SMURF1: variants seen among roughly 807,000 people sequenced by gnomAD.
SMURF1 encodes E3 ubiquitin-protein ligase SMURF1.
A neutral mutation model predicts 98.0 loss-of-function variants in SMURF1; 44 were observed. That is an observed-to-expected ratio of 0.45 (90% CI 0.35 to 0.58). The LOEUF (loss-of-function observed/expected upper bound fraction) is 0.58, where lower values mean the gene tolerates loss of function less well. Ranked by LOEUF, SMURF1 falls within the 20% of genes least tolerant of loss-of-function variation. The pLI is 0.00. For synonymous variants in SMURF1, 396 were observed against 374.9 expected, an observed-to-expected ratio of 1.06 and a Z score of -0.65; for missense variants, 687 against 938.4, an observed-to-expected ratio of 0.73 and a Z score of 3.50.
chr7:99,031,083 CTGTT>C (rs1465148792), intron 17 of SMURF1: 1 of 164,796 alleles, frequency 6.1e-6, no homozygotes, highest in Non-Finnish European at 1.3e-5. Context: ...CACTTGTTTT[CTGTT>C]TGTCTGTCTT....
chr7:99,068,472 A>G (rs1796247452), intron 1 of SMURF1, among the ~76,000 whole-genome samples: 1 of 152,038 alleles, frequency 6.6e-6, no homozygotes, highest in Admixed American at 6.6e-5. Flanking sequence ...CCTATTTTTA[A>G]AAAATCTCTG....
intron 1 of SMURF1, among the ~76,000 whole-genome samples, chr7:99,091,506 AAC>A (rs1796810560): frequency 6.6e-6 from 1 of 152,140 alleles, no homozygotes; most frequent in Non-Finnish European, 1.5e-5. Flanking sequence ...ATCTCTACAC[AAC>A]AGTTAAGAGG....
chr7:99,038,321 C>G lies in SMURF1; in HGVS notation c.1688+67G>C, dbSNP rs897951584. The G allele has an allele frequency of 1.9e-6, 3 of 1,578,358 alleles. No individual in the cohort carries two copies. The African/African-American group carries it at 4.0e-5, about 21-fold the overall frequency. On this transcript the variant is annotated intron_variant, in intron 14 of 17. Transcript: ENST00000361368. ...ATGCAGGCCTCACACAGCGAAGGAG[C>G]TACAGCAACTAAATGCAGGCTCAGC... is the stretch of plus-strand genomic sequence containing the variant.
intron 1 of SMURF1, among the ~76,000 whole-genome samples, chr7:99,142,890 G>A (rs969480220): frequency 9.3e-5 from 14 of 150,938 alleles, no homozygotes; most frequent in Non-Finnish European, 1.0e-4. Flanking sequence ...GAAAAGCGAG[G>A]GGGCAGGTGG....
chr7:99,105,864 T>C (rs1797183164), intron 1 of SMURF1, among the ~76,000 whole-genome samples: 1 of 152,230 alleles, frequency 6.6e-6, no homozygotes, highest in South Asian at 2.1e-4. Flanking sequence ...GTGACTATCA[T>C]TCCCCTTCTC....
chr7:99,141,039 G>A (rs867139118), intron 1 of SMURF1, among the ~76,000 whole-genome samples: 7 of 152,104 alleles, frequency 4.6e-5, no homozygotes, highest in African/African-American at 1.4e-4. Flanking sequence ...CAATCCTATT[G>A]TAAGGATGAT....
At chr7:99,075,134 T>C (rs1489247660) in intron 1 of SMURF1, among the ~76,000 whole-genome samples, 2 of 152,118 alleles carry the variant, frequency 1.3e-5, no homozygotes, top group African/African-American at 4.8e-5. Context: ...TATTATTATT[T>C]TGAGACAGGG....
In SMURF1 at chr7:99,101,933, CA is replaced by C. The variant is rs1286445271; in HGVS notation, c.56-40097del. ...TGGGCGACAGAGCACGACCACGTCTCAAAAAAAAAAAAAAAGATACATACAA... is the reference window on the plus strand; with the variant it reads ...TGGGCGACAGAGCACGACCACGTCTCAAAAAAAAAAAAAAGATACATACAA... On this transcript the variant is annotated intron_variant, in intron 1 of 17. Transcript: ENST00000361368. Among the ~76,000 whole-genome samples the C allele has an allele frequency of 2.3e-3, 271 of 116,470 alleles. 1 individual carries two copies. The highest frequency in any genetic ancestry group is 5.0e-3 in the Middle Eastern group (1 of 200). The allele number at this position is 116,470 out of a possible 152,430, so 76.4% of individuals were successfully genotyped here.
chr7:99,090,885 T>TA (rs1479108531), intron 1 of SMURF1, among the ~76,000 whole-genome samples: 2 of 152,190 alleles, frequency 1.3e-5, no homozygotes, highest in African/African-American at 2.4e-5. Context: ...TGCAAGGGTG[T>TA]AATCCTACAG....
Position 99,052,224 on chromosome 7 carries a change from CG to C in SMURF1, c.701del (p.Pro234ArgfsTer41). 2 of 1,578,594 alleles carry C rather than the reference CG, an allele frequency of 1.3e-6. No homozygotes were observed. The highest frequency in any genetic ancestry group is 1.2e-5 in the South Asian group (1 of 84,830). Reference sequence around the variant, plus strand: ...TCTCACCGTAGCCTTCGGGCAGTTCCGGGGACTGGTGGCCGTGTGGTCGGTT... The same window carrying C: ...TCTCACCGTAGCCTTCGGGCAGTTCCGGGACTGGTGGCCGTGTGGTCGGTT... ...PQNRPHGHQS[P>X]ELPEGYEQRT... On this transcript the variant is annotated frameshift_variant, in exon 7 of 18. Coordinates refer to ENST00000361368, the MANE Select transcript of SMURF1 (RefSeq NM_181349.3). LOFTEE classifies it high-confidence loss of function.
chr7:99,104,831 T>C (rs1440527782), intron 1 of SMURF1, among the ~76,000 whole-genome samples: 2 of 152,158 alleles, frequency 1.3e-5, no homozygotes, highest in Non-Finnish European at 1.5e-5. Context: ...ATGACAGCAA[T>C]AGGGGCTTCA....
chr7:99,074,918 A>G (rs1410469971), intron 1 of SMURF1, among the ~76,000 whole-genome samples: 4 of 152,176 alleles, frequency 2.6e-5, no homozygotes, highest in African/African-American at 9.6e-5. Flanking sequence ...AAGACATCAC[A>G]TGGCCAATAA....
chr7:99,099,064 C>A (rs1392505911), intron 1 of SMURF1, among the ~76,000 whole-genome samples: 2 of 152,130 alleles, frequency 1.3e-5, no homozygotes, highest in Non-Finnish European at 2.9e-5. Context: ...GTTTGAGAGG[C>A]AGAATGCATT....
At chr7:99,121,916 G>A (rs181768427) in intron 1 of SMURF1, among the ~76,000 whole-genome samples, 3 of 152,306 alleles carry the variant, frequency 2.0e-5, no homozygotes, top group East Asian at 1.9e-4. Context: ...AGGGAGCGGC[G>A]AGGGGAACAG....
chr7:99,040,325 T>C (rs1036360752), intron 13 of SMURF1, 53 bp downstream of exon 13: 5 of 1,415,876 alleles, frequency 3.5e-6, no homozygotes, highest in African/African-American at 1.5e-5. Context: ...ATACATACGA[T>C]AGACGTGGTG....
chr7:99,133,649 T>A (rs117529047), intron 1 of SMURF1, among the ~76,000 whole-genome samples: 1 of 152,180 alleles, frequency 6.6e-6, no homozygotes, highest in Non-Finnish European at 1.5e-5. Flanking sequence ...CCAGTGACTC[T>A]ACTCCTGAGT....
chr7:99,114,642 T>G (rs1353661450), intron 1 of SMURF1, among the ~76,000 whole-genome samples: 1 of 152,134 alleles, frequency 6.6e-6, no homozygotes, highest in Non-Finnish European at 1.5e-5. Flanking sequence ...TAAAAAATAC[T>G]ATAAAGCAAC....
At chr7:99,045,020 T>G (rs1261590291) in intron 11 of SMURF1, among the ~76,000 whole-genome samples, 3 of 152,038 alleles carry the variant, frequency 2.0e-5, no homozygotes, top group African/African-American at 4.8e-5. Context: ...ACACCTGTAG[T>G]TCCAGCTACT....
chr7:99,041,401 CAAAAA>C lies in SMURF1; in HGVS notation c.1371+712_1371+716del, dbSNP rs769817730. ...TGGGGGACACAGCGAGACTCTCTCT[CAAAAA>C]AAAGAAAAGAACCATTCTAGAACCA... is the stretch of plus-strand genomic sequence containing the variant. On this transcript the variant is annotated intron_variant, in intron 12 of 17. Coordinates refer to ENST00000361368, the MANE Select transcript of SMURF1 (RefSeq NM_181349.3). 1.8e-4 allele frequency among the ~76,000 whole-genome samples: 28 copies of C among 151,782 alleles called. No homozygotes were observed. In the Middle Eastern group the frequency reaches 0.01, roughly 56 times the overall value.
Sources: allele counts gnomAD v4.1 joint callset (sites outside exome capture counted in the v4.1 genomes callset), GRCh38; gene constraint gnomAD v4.1.1; transcripts MANE v1.5; gene names NCBI Gene and HGNC (gene_info 2026-07-23, HGNC 2026-07-21).